The following GNAZ variants were observed in gnomAD, a reference collection of about 807,000 sequenced individuals.
GNAZ encodes guanine nucleotide-binding protein G(z) subunit alpha.
GNAZ carries 3 observed loss-of-function variants against 25.4 expected under a neutral mutation model. The ratio of observed to expected loss-of-function variants is 0.12; its 90% CI spans 0.05 to 0.30. The LOEUF (loss-of-function observed/expected upper bound fraction) is 0.30, where lower values mean the gene tolerates loss of function less well. GNAZ is among the 10% of genes least tolerant of loss of function. The pLI is 1.00. For missense variants in GNAZ, 241 were observed against 501.8 expected (o/e 0.48, Z 4.97); for synonymous variants, 211 against 205.7 (o/e 1.03, Z -0.22).
At chr22:23,120,520 C>T (rs902643424) in intron 2 of GNAZ, among the ~76,000 whole-genome samples, 1 of 152,118 alleles carries the variant, frequency 6.6e-6, no homozygotes, top group Admixed American at 6.5e-5. Context: ...CCCTCCTGCT[C>T]CTCCTCTTAC....
At chr22:23,104,560 G>C (rs1299748149) in intron 2 of GNAZ, among the ~76,000 whole-genome samples, 1 of 152,200 alleles carries the variant, frequency 6.6e-6, no homozygotes, top group Non-Finnish European at 1.5e-5. Context: ...GAACAGCTCT[G>C]GGTTTTAAGA....
intron 2 of GNAZ, among the ~76,000 whole-genome samples, chr22:23,106,692 T>G (rs992957171): frequency 6.6e-6 from 1 of 152,248 alleles, no homozygotes; most frequent in African/African-American, 2.4e-5. Flanking sequence ...CCCAGAGACG[T>G]GAGCGGTTGG....
At chr22:23,092,285 G>A (rs919191591) in intron 1 of GNAZ, among the ~76,000 whole-genome samples, 34 of 152,312 alleles carry the variant, frequency 2.2e-4, no homozygotes, top group African/African-American at 8.2e-4. Context: ...AGGTGGGACT[G>A]TCATAAGGTC....
chr22:23,115,044 G>T (rs1364542010), intron 2 of GNAZ, among the ~76,000 whole-genome samples: 1 of 152,224 alleles, frequency 6.6e-6, no homozygotes, highest in Non-Finnish European at 1.5e-5. Flanking sequence ...TGCATTTTAT[G>T]TGAGGTTTGA....
At chr22:23,103,515 A>G (rs1023970715) in intron 2 of GNAZ, among the ~76,000 whole-genome samples, 1 of 152,080 alleles carries the variant, frequency 6.6e-6, no homozygotes, top group Admixed American at 6.5e-5. Flanking sequence ...CGTGGGTTGC[A>G]TCTGTTCGTG....
At chr22:23,085,184 C>T (rs980023071) in intron 1 of GNAZ, among the ~76,000 whole-genome samples, 2 of 152,220 alleles carry the variant, frequency 1.3e-5, no homozygotes, top group African/African-American at 4.8e-5. Flanking sequence ...CACCCCACCC[C>T]TTGATGTCCT....
rs1198536172 is a variant in GNAZ at position 23,081,907 on chromosome 22, C to T, written c.-450+11337C>T. 4.0e-5 allele frequency among the ~76,000 whole-genome samples: 6 copies of T among 150,446 alleles called. 1 individual carries two copies. The South Asian group carries it at 8.4e-4, about 21-fold the overall frequency. On this transcript the variant is annotated intron_variant, in intron 1 of 2. Transcript: ENST00000615612. ...TTGGGGGGCCGAGGCGGGCGGATCA[C>T]GAGGTCAGGAGATCGAGACCATCCT...
chr22:23,107,193 A>AG (rs886412478), intron 2 of GNAZ, among the ~76,000 whole-genome samples: 1 of 152,172 alleles, frequency 6.6e-6, no homozygotes, highest in African/African-American at 2.4e-5. Flanking sequence ...GCATAGTTGC[A>AG]GGGGGGAGGG....
intron 2 of GNAZ, among the ~76,000 whole-genome samples, chr22:23,107,507 C>T (rs2069517171): frequency 6.6e-6 from 1 of 152,178 alleles, no homozygotes; most frequent in African/African-American, 2.4e-5. Flanking sequence ...CCCAGGTTGT[C>T]AATCCTCCTG....
chr22:23,100,050 C>T (rs1302947594), intron 2 of GNAZ, among the ~76,000 whole-genome samples: 1 of 152,280 alleles, frequency 6.6e-6, no homozygotes, highest in African/African-American at 2.4e-5. Flanking sequence ...GCCCATTTCC[C>T]GACGGAGCTG....
At chr22:23,121,142 G>A (rs1259266791) in intron 2 of GNAZ, among the ~76,000 whole-genome samples, 6 of 152,198 alleles carry the variant, frequency 3.9e-5, no homozygotes, top group Non-Finnish European at 1.5e-5. Context: ...CTGGGGATGA[G>A]ATCTTGTGTG....
At chr22:23,096,541 T>C in intron 2 of GNAZ, 123 bp downstream of exon 2, 1 of 1,021,404 alleles carries the variant, frequency 9.8e-7, no homozygotes, top group South Asian at 1.6e-5. Context: ...GGCCTGGCCC[T>C]GCTGCACGAT....
chr22:23,080,577 C>A lies in GNAZ; in HGVS notation c.-450+10007C>A, dbSNP rs1157793557. On this transcript the variant is annotated intron_variant, in intron 1 of 2. Transcript: ENST00000615612. ...CCTGTTTCTAAGGTGAGACCCGTTG[C>A]GGATCTGCAGGTGCAAGGCCCATCA... is the stretch of plus-strand genomic sequence containing the variant. 4.6e-5 allele frequency among the ~76,000 whole-genome samples: 7 copies of A among 152,180 alleles called. No homozygotes were observed. In the East Asian group the frequency reaches 7.7e-4, roughly 17 times the overall value.
chr22:23,097,604 G>A (rs190850678), intron 2 of GNAZ, among the ~76,000 whole-genome samples: 25 of 152,380 alleles, frequency 1.6e-4, no homozygotes, highest in Admixed American at 1.4e-3. Context: ...AGGCGGCTGC[G>A]TCCACCCTGT....
Position 23,123,291 on chromosome 22 carries a change from G to T in GNAZ, c.928G>T (p.Asp310Tyr). Residue 310 changes from aspartate (D) to tyrosine (Y), a missense_variant, in exon 3 of 3, where the codon GAC becomes TAC. Physicochemically the swap from Asp to Tyr is radical, Grantham distance 160. Coordinates refer to ENST00000615612, the MANE Select transcript of GNAZ (RefSeq NM_002073.4). ...AAVYIQRQFE[D>Y]LNRNKETKEI... is the part of the protein sequence containing the mutation. The stretch of plus-strand genomic sequence containing the variant: ...TGTCTACATCCAGCGGCAGTTTGAA[G>T]ACCTGAACCGCAACAAGGAGACCAA... 1 of 1,614,076 alleles carries T rather than the reference G, an allele frequency of 6.2e-7. No individual in the cohort carries two copies. Among genetic ancestry groups the T allele is most frequent in the Non-Finnish European group, 8.5e-7 (1 of 1,179,978 alleles).
chr22:23,098,381 G>A (rs2069186407), intron 2 of GNAZ, among the ~76,000 whole-genome samples: 1 of 152,230 alleles, frequency 6.6e-6, no homozygotes, highest in African/African-American at 2.4e-5. Context: ...GAGCTCCTCG[G>A]GGCAGGCCCT....
intron 2 of GNAZ, among the ~76,000 whole-genome samples, chr22:23,119,950 C>A (rs1452415710): frequency 6.6e-6 from 1 of 152,150 alleles, no homozygotes; most frequent in Admixed American, 6.5e-5. Flanking sequence ...TAGAGGAAAC[C>A]AGGAAGCCTG....
In GNAZ at chr22:23,096,139, C is replaced by T; in HGVS notation, c.444C>T (p.His148=). 5.6e-6 allele frequency: 9 copies of T among 1,612,628 alleles called. No individual in the cohort carries two copies. Among genetic ancestry groups the T allele is most frequent in the Non-Finnish European group, 7.6e-6 (9 of 1,179,910 alleles). ...QACFSRSSEY[H]LEDNAAYYLN... ...GCTTCAGCCGCTCCAGCGAGTACCA[C>T]CTGGAGGACAACGCGGCCTACTACC... is the stretch of plus-strand genomic sequence containing the variant. The change falls in exon 2 of 3, where the codon CAC becomes CAT. Residue 148 remains histidine, a synonymous_variant. Coordinates refer to ENST00000615612, the MANE Select transcript of GNAZ (RefSeq NM_002073.4).
intron 2 of GNAZ, among the ~76,000 whole-genome samples, chr22:23,099,045 G>A (rs549126404): frequency 4.6e-4 from 70 of 152,390 alleles, no homozygotes; most frequent in East Asian, 2.1e-3. Context: ...CTCTGGACAC[G>A]GCTCCTCCAT....
Sources: allele counts gnomAD v4.1 joint callset (sites outside exome capture counted in the v4.1 genomes callset), GRCh38; gene constraint gnomAD v4.1.1; transcripts MANE v1.5; gene names NCBI Gene and HGNC (gene_info 2026-07-23, HGNC 2026-07-21).